The following CAPS2 variants were observed in gnomAD, a reference collection of about 807,000 sequenced individuals.
CAPS2 encodes calcyphosine 2.
Under a neutral mutation model 86.5 loss-of-function variants are expected in CAPS2, and 98 were observed. The ratio of observed to expected loss-of-function variants is 1.13; its 90% CI spans 0.96 to 1.34. The LOEUF is 1.34. Ranked by LOEUF, CAPS2 falls within the 40% of genes most tolerant of loss-of-function variation. The probability of loss-of-function intolerance (pLI) is 0.00; values close to 1 mark genes in which losing one functional copy is unlikely to be tolerated. For synonymous variants in CAPS2, 210 were observed against 225.1 expected (o/e 0.93, Z 0.60); for missense variants, 729 against 686.8 (o/e 1.06, Z -0.69).
At chr12:75,368,102 T>C (rs2044110680) in intron 1 of CAPS2, among the ~76,000 whole-genome samples, 1 of 152,072 alleles carries the variant, frequency 6.6e-6, no homozygotes, top group Admixed American at 6.6e-5. Flanking sequence ...GTTTCTAATA[T>C]AACACAGCTA....
intron 1 of CAPS2, among the ~76,000 whole-genome samples, chr12:75,369,109 A>ATATTATATTAAACCATCT: frequency 6.6e-6 from 1 of 151,974 alleles, no homozygotes; most frequent in African/African-American, 2.4e-5. Flanking sequence ...TTATATATGT[A>ATATTATATTAAACCATCT]GACCTTGGAG....
In CAPS2 at chr12:75,321,447, A is replaced by G. The variant is rs1355421580; in HGVS notation, c.421T>C (p.Ser141Pro). The G allele has an allele frequency of 1.9e-6, 3 of 1,547,634 alleles. No homozygotes were observed. The African/African-American group carries it at 4.1e-5, about 21-fold the overall frequency. Residue 141 changes from serine (S) to proline (P), a missense_variant, in exon 5 of 17, where the codon TCA (serine) becomes CCA (proline). Physicochemically the swap from Ser to Pro is moderately conservative, Grantham distance 74. Coordinates refer to ENST00000393284, the Ensembl canonical transcript of CAPS2. The stretch of plus-strand genomic sequence containing the variant: ...GGAGACTGTTTATGTGTAACATTTG[A>G]TTTTGTATTTTCTGCATTTCTCTGA...
Position 75,367,113 on chromosome 12 carries a change from G to A in CAPS2, c.-395+23725C>T, listed in dbSNP as rs943002121. The stretch of plus-strand genomic sequence containing the variant: ...TAATTTGGGGAGAAAACGTAATGGA[G>A]AAGACACTTTAGAATACACCTCCAA... On this transcript the variant is annotated intron_variant, in intron 1 of 5. Coordinates refer to the CAPS2 transcript ENST00000551829. 5 of 684,668 alleles carry A rather than the reference G, an allele frequency of 7.3e-6. No homozygotes were observed. The African/African-American group carries it at 8.8e-5, about 12-fold the overall frequency. The allele number at this position is 684,668 out of a possible 1,614,324, so 42.4% of individuals were successfully genotyped here. A position where few individuals can be genotyped will look rare whatever the true frequency, so the allele number is the denominator to read the frequency against.
chr12:75,311,699 G>GAAAAAAAAAAA (rs764314438), intron 7 of CAPS2, among the ~76,000 whole-genome samples: 4 of 17,020 alleles, frequency 2.4e-4, no homozygotes, highest in African/African-American at 3.7e-4. Context: ...AAGCCATGCA[G>GAAAAAAAAAAA]GAAAAAAAAA....
At chr12:75,363,799 G>T (rs897075594) in intron 1 of CAPS2, among the ~76,000 whole-genome samples, 1 of 152,120 alleles carries the variant, frequency 6.6e-6, no homozygotes. Flanking sequence ...CTGAGAACAT[G>T]TGTCCAAGGT....
intron 1 of CAPS2, chr12:75,370,466 T>G (rs1314336961): frequency 4.6e-6 from 1 of 219,174 alleles, no homozygotes; most frequent in Non-Finnish European, 9.1e-6. Context: ...TATAGTACAT[T>G]TAGAGAACTA....
intron 5 of CAPS2, among the ~76,000 whole-genome samples, chr12:75,318,757 C>T (rs2040021404): frequency 6.6e-6 from 1 of 151,800 alleles, no homozygotes; most frequent in African/African-American, 2.4e-5. Context: ...TTAATCATTC[C>T]ATTGATTGAT....
downstream of CAPS2, chr12:75,276,684 A>T: frequency 1.2e-6 from 1 of 812,286 alleles, no homozygotes; most frequent in Non-Finnish European, 1.5e-6. Flanking sequence ...TTTTATTTTT[A>T]AAATATAAAA....
At chr12:75,369,551 C>G (rs921290223) in intron 1 of CAPS2, 3 of 982,132 alleles carry the variant, frequency 3.1e-6, no homozygotes, top group African/African-American at 3.5e-5. Flanking sequence ...GAAAAGACAT[C>G]GAGAAATATT....
intron 14 of CAPS2, among the ~76,000 whole-genome samples, chr12:75,288,699 CT>C: frequency 6.6e-6 from 1 of 152,306 alleles, no homozygotes; most frequent in Admixed American, 6.5e-5. Flanking sequence ...CCATTCTTCT[CT>C]TTTCCTTCCT....
chr12:75,306,170 T>A, intron 7 of CAPS2: 1 of 899,332 alleles, frequency 1.1e-6, no homozygotes, highest in Non-Finnish European at 1.8e-6. Context: ...CAGAATTACC[T>A]GAAGTACCGG....
chr12:75,279,608 T>A (rs1224037931), intron 16 of CAPS2, among the ~76,000 whole-genome samples: 4 of 152,112 alleles, frequency 2.6e-5, no homozygotes, highest in Non-Finnish European at 4.4e-5. Flanking sequence ...TAGACAATAA[T>A]GCATTGCAAA....
intron 1 of CAPS2, chr12:75,370,416 A>T: frequency 3.2e-6 from 1 of 310,780 alleles, no homozygotes; most frequent in Non-Finnish European, 5.9e-6. Context: ...AAAGTGTTCC[A>T]CTCTTTAATT....
chr12:75,321,605 T>C lies in CAPS2; in HGVS notation c.292-29A>G, dbSNP rs756311402. 19 of 1,476,410 alleles carry C rather than the reference T, an allele frequency of 1.3e-5. No homozygotes were observed. The African/African-American group carries it at 1.8e-4, about 14-fold the overall frequency. The allele number at this position is 1,476,410 out of a possible 1,614,324, so 91.5% of individuals were successfully genotyped here. On this transcript the variant is annotated intron_variant, in intron 4 of 16. Coordinates refer to ENST00000393284, the Ensembl canonical transcript of CAPS2. ...TAGGTAAAAAGAAAAAAGCATGCTA[T>C]CAGAAAAAAAAAGTATTAATTTTCC...
At chr12:75,380,316 C>T (rs1279211130) in intron 1 of CAPS2, among the ~76,000 whole-genome samples, 1 of 152,094 alleles carries the variant, frequency 6.6e-6, no homozygotes, top group African/African-American at 2.4e-5. Flanking sequence ...TTAAATTTAC[C>T]TGTGATCACT....
At chr12:75,390,466 T>C in intron 1 of CAPS2, 2 of 429,842 alleles carry the variant, frequency 4.7e-6, no homozygotes. Flanking sequence ...TATTTTGTGG[T>C]TTCCCACAAA....
chr12:75,288,257 C>A (rs1476198075), intron 14 of CAPS2, among the ~76,000 whole-genome samples: 1 of 152,084 alleles, frequency 6.6e-6, no homozygotes, highest in Non-Finnish European at 1.5e-5. Flanking sequence ...AAAGATTAAA[C>A]ATCATAAAAA....
At chr12:75,285,377 A>G (rs1169546100) in intron 14 of CAPS2, among the ~76,000 whole-genome samples, 4 of 152,056 alleles carry the variant, frequency 2.6e-5, no homozygotes, top group African/African-American at 9.6e-5. Context: ...TATAGGGCAC[A>G]ATATGATATT....
At chr12:75,338,446 T>C (rs1020223590) in intron 1 of CAPS2, among the ~76,000 whole-genome samples, 3 of 152,192 alleles carry the variant, frequency 2.0e-5, no homozygotes, top group African/African-American at 4.8e-5. Context: ...AAAAATTATA[T>C]GATCATCTCA....
Sources: gnomAD v4.1 joint callset for allele counts (sites outside exome capture counted in the v4.1 genomes callset) on GRCh38, gnomAD v4.1.1 for gene constraint, MANE v1.5 for transcripts, NCBI Gene and HGNC (gene_info 2026-07-23, HGNC 2026-07-21) for gene names.